GALNT18: variants seen among roughly 807,000 people sequenced by gnomAD.
GALNT18 encodes polypeptide N-acetylgalactosaminyltransferase 18.
In GALNT18, 44 loss-of-function variants were observed where a neutral mutation model predicts 69.5. The ratio of observed to expected loss-of-function variants is 0.63; its 90% confidence interval spans 0.50 to 0.81. The LOEUF is 0.81. Ranked by LOEUF, GALNT18 falls within the 40% of genes least tolerant of loss-of-function variation. The pLI, the probability that GALNT18 is intolerant of heterozygous loss-of-function variation, is 0.00. For synonymous variants in GALNT18, 364 were observed against 318.2 expected, an observed-to-expected ratio of 1.14 and a Z score of -1.53; for missense variants, 715 against 810.0, an observed-to-expected ratio of 0.88 and a Z score of 1.42.
chr11:11,321,752 G>A (rs1849843090), intron 9 of GALNT18, among the ~76,000 whole-genome samples: 1 of 152,208 alleles, frequency 6.6e-6, no homozygotes. Flanking sequence ...ACAGGTGTGT[G>A]CCAACATGCC....
intron 10 of GALNT18, among the ~76,000 whole-genome samples, chr11:11,283,750 C>T (rs1849135312): frequency 6.6e-6 from 1 of 152,036 alleles, no homozygotes; most frequent in Admixed American, 6.5e-5. Context: ...TGGAAACACA[C>T]AATACTTTTA....
At chr11:11,325,592 T>A (rs1218852835) in intron 9 of GALNT18, among the ~76,000 whole-genome samples, 5 of 152,150 alleles carry the variant, frequency 3.3e-5, no homozygotes, top group African/African-American at 1.2e-4. Flanking sequence ...ATAGTCCTAT[T>A]TATGTAGAAT....
At chr11:11,483,691 A>C (rs1856583422) in intron 1 of GALNT18, among the ~76,000 whole-genome samples, 1 of 152,118 alleles carries the variant, frequency 6.6e-6, no homozygotes, top group Non-Finnish European at 1.5e-5. Context: ...TTCTCTTCCG[A>C]TTGAGGCAAG....
chr11:11,286,079 G>A, intron 10 of GALNT18, among the ~76,000 whole-genome samples: 1 of 152,124 alleles, frequency 6.6e-6, no homozygotes, highest in South Asian at 2.1e-4. Context: ...AGCAAGCACA[G>A]GGGGCTGGGG....
chr11:11,462,588 C>T (rs1018870717), intron 1 of GALNT18, among the ~76,000 whole-genome samples: 18 of 152,260 alleles, frequency 1.2e-4, no homozygotes, highest in East Asian at 1.9e-4. Flanking sequence ...CCACCGCACC[C>T]GGCCCTTCCT....
At chr11:11,585,671 T>C (rs996458355) in intron 1 of GALNT18, among the ~76,000 whole-genome samples, 2 of 152,200 alleles carry the variant, frequency 1.3e-5, no homozygotes, top group Non-Finnish European at 2.9e-5. Context: ...ATCTTTTTCA[T>C]ACTTCAACCA....
intron 7 of GALNT18, among the ~76,000 whole-genome samples, chr11:11,333,622 A>T (rs1850057152): frequency 6.6e-6 from 1 of 152,168 alleles, no homozygotes; most frequent in South Asian, 2.1e-4. Flanking sequence ...TTGCAGGAGA[A>T]GCAGACTCTC....
chr11:11,413,500 C>T lies in GALNT18; in HGVS notation c.595+19121G>A, dbSNP rs978677593. ...CCAGCTCCCTCAGGCCCCTTAACAA[C>T]ATTAGACTGCAATTTCAGGTTTATA... On this transcript the variant is annotated intron_variant, in intron 3 of 10. Coordinates refer to ENST00000227756, the MANE Select transcript of GALNT18 (RefSeq NM_198516.3). The surrounding 1 kb of genome is among the most constrained non-coding windows in gnomAD (Gnocchi z 4.7). Among the ~76,000 whole-genome samples the T allele has an allele frequency of 9.9e-5, 15 of 152,210 alleles. No individual in the cohort carries two copies. The highest frequency in any genetic ancestry group is 2.9e-4 in the African/African-American group (12 of 41,450).
At chr11:11,394,372 T>A (rs1854271951) in intron 3 of GALNT18, among the ~76,000 whole-genome samples, 1 of 151,688 alleles carries the variant, frequency 6.6e-6, no homozygotes, top group Non-Finnish European at 1.5e-5. Context: ...CAAATTCAAT[T>A]TGGGAGAGGA....
At chr11:11,431,506 C>T (rs913471375) in intron 3 of GALNT18, among the ~76,000 whole-genome samples, 5 of 152,158 alleles carry the variant, frequency 3.3e-5, no homozygotes, top group Non-Finnish European at 5.9e-5. Context: ...TTCCTTTCTT[C>T]ATGTCCACGG....
intron 1 of GALNT18, among the ~76,000 whole-genome samples, chr11:11,532,230 G>C (rs1023370235): frequency 1.3e-5 from 2 of 152,152 alleles, no homozygotes; most frequent in Non-Finnish European, 2.9e-5. Flanking sequence ...AGAGGAGAGA[G>C]GAACAACAGG....
chr11:11,460,797 G>A (rs1856024696), intron 1 of GALNT18, among the ~76,000 whole-genome samples: 1 of 152,210 alleles, frequency 6.6e-6, no homozygotes, highest in South Asian at 2.1e-4. Flanking sequence ...ACTCCCTAAA[G>A]CTGCAGTTCT....
intron 1 of GALNT18, among the ~76,000 whole-genome samples, chr11:11,453,095 T>A (rs1035242010): frequency 6.6e-6 from 1 of 151,938 alleles, no homozygotes; most frequent in Non-Finnish European, 1.5e-5. Flanking sequence ...AAAGGGAAAG[T>A]GAAGGGGCTG....
rs930803016 is a variant in GALNT18, at chr11:11,523,103, C to T, written c.236-74167G>A. ...TTATTACAAGCCCTTTCATTATGTC[C>T]GCAAGATCAATTCCATCTGAGTGAA... is the stretch of plus-strand genomic sequence containing the variant. On this transcript the variant is annotated intron_variant, in intron 1 of 10. Coordinates refer to ENST00000227756, the MANE Select transcript of GALNT18 (RefSeq NM_198516.3). This position sits in a 1 kb window ranked among gnomAD's most constrained non-coding sequence, Gnocchi z 4.3. 6.6e-6 allele frequency among the ~76,000 whole-genome samples: 1 copy of T among 152,164 alleles called. No homozygotes were observed. Among genetic ancestry groups the T allele is most frequent in the Admixed American group, 6.5e-5 (1 of 15,278 alleles).
intron 9 of GALNT18, among the ~76,000 whole-genome samples, chr11:11,322,659 A>T (rs1849857778): frequency 6.6e-6 from 1 of 152,248 alleles, no homozygotes; most frequent in South Asian, 2.1e-4. Context: ...GTTGGCAAGG[A>T]TGTAGAGCAA....
chr11:11,299,160 A>AT (rs1425485457), intron 9 of GALNT18, among the ~76,000 whole-genome samples: 2 of 151,872 alleles, frequency 1.3e-5, no homozygotes, highest in African/African-American at 4.8e-5. Flanking sequence ...TTATTTTTTA[A>AT]TTTTTTGACA....
At chr11:11,325,931 G>T (rs1849909454) in intron 9 of GALNT18, among the ~76,000 whole-genome samples, 1 of 151,490 alleles carries the variant, frequency 6.6e-6, no homozygotes. Context: ...CACACAGAGT[G>T]ACATACACGT....
intron 1 of GALNT18, among the ~76,000 whole-genome samples, chr11:11,474,911 A>C (rs1856355883): frequency 1.3e-5 from 2 of 152,348 alleles, no homozygotes; most frequent in South Asian, 4.1e-4. Context: ...AGCTGTCTAA[A>C]ATGCCCTGAC....
At chr11:11,307,752 C>A (rs1313041646) in intron 9 of GALNT18, among the ~76,000 whole-genome samples, 1 of 152,312 alleles carries the variant, frequency 6.6e-6, no homozygotes, top group East Asian at 1.9e-4. Context: ...CCTTGACCCC[C>A]CCAAGGTCAC....
Sources: gnomAD v4.1 joint callset for allele counts (sites outside exome capture counted in the v4.1 genomes callset) on GRCh38, gnomAD v4.1.1 for gene constraint, Gnocchi (gnomAD v3.1) non-coding constraint, MANE v1.5 for transcripts, NCBI Gene and HGNC (gene_info 2026-07-23, HGNC 2026-07-21) for gene names.